MAP3K20: variants seen among roughly 807,000 people sequenced by gnomAD.
The protein encoded by MAP3K20 is mitogen-activated protein kinase kinase kinase 20.
A neutral mutation model predicts 85.7 loss-of-function variants in MAP3K20; 40 were observed. The observed-to-expected ratio is 0.47, with a 90% CI of 0.36 to 0.61. MAP3K20 has a LOEUF of 0.61. Ranked by LOEUF, MAP3K20 falls within the 20% of genes least tolerant of loss-of-function variation. MAP3K20 has a pLI of 0.00. For synonymous variants in MAP3K20, 325 were observed against 327.7 expected, an observed-to-expected ratio of 0.99 and a Z score of 0.09; for missense variants, 817 against 961.7, an observed-to-expected ratio of 0.85 and a Z score of 1.99.
chr2:173,258,675 C>T, intron 16 of MAP3K20, 24 bp from the exon 17 acceptor site: 1 of 1,416,360 alleles, frequency 7.1e-7, no homozygotes, highest in Non-Finnish European at 9.9e-7. Context: ...TTCTCAAATT[C>T]TGTAATTTTG....
chr2:173,200,317 T>G (rs1253927735), intron 8 of MAP3K20, among the ~76,000 whole-genome samples: 1 of 152,240 alleles, frequency 6.6e-6, no homozygotes, highest in Non-Finnish European at 1.5e-5. Flanking sequence ...AGCATAAAGA[T>G]AATTCACAAG....
At chr2:173,076,863 C>T (rs958106355) in intron 1 of MAP3K20, among the ~76,000 whole-genome samples, 2 of 152,334 alleles carry the variant, frequency 1.3e-5, no homozygotes, top group East Asian at 3.9e-4. Context: ...GCCTCGCTTG[C>T]CCATGACAGC....
intron 2 of MAP3K20, among the ~76,000 whole-genome samples, chr2:173,118,035 T>C (rs139245572): frequency 2.0e-5 from 3 of 152,218 alleles, no homozygotes; most frequent in Non-Finnish European, 4.4e-5. Context: ...CTTTATACAG[T>C]TGTAATTAGA....
intron 16 of MAP3K20, among the ~76,000 whole-genome samples, chr2:173,254,191 G>A (rs183968070): frequency 1.0e-3 from 158 of 152,022 alleles, no homozygotes; most frequent in Non-Finnish European, 1.8e-3. Flanking sequence ...TGAGGCAGGC[G>A]GATCATGAGG....
chr2:173,144,234 T>C (rs1012448033), intron 2 of MAP3K20, among the ~76,000 whole-genome samples: 8 of 151,388 alleles, frequency 5.3e-5, no homozygotes, highest in South Asian at 2.1e-4. Flanking sequence ...GAGGCCAAGG[T>C]GGGCAGATCA....
intron 2 of MAP3K20, among the ~76,000 whole-genome samples, chr2:173,149,734 C>T (rs549841440): frequency 5.3e-5 from 8 of 152,240 alleles, no homozygotes; most frequent in South Asian, 2.1e-4. Context: ...GTCATCTCCG[C>T]GCATCCTCCC....
chr2:173,175,916 G>A (rs1029348345), intron 3 of MAP3K20, among the ~76,000 whole-genome samples: 2 of 152,016 alleles, frequency 1.3e-5, no homozygotes, highest in Non-Finnish European at 2.9e-5. Context: ...AAAACCAAAT[G>A]GCACTGGTTA....
intron 1 of MAP3K20, 117 bp downstream of exon 1, chr2:173,076,119 C>T: frequency 3.8e-6 from 3 of 799,330 alleles, no homozygotes; most frequent in Non-Finnish European, 4.5e-6. Flanking sequence ...GGAGTCTAGG[C>T]GGCCTCGGGA....
At chr2:173,154,315 T>A (rs1344474991) in intron 2 of MAP3K20, among the ~76,000 whole-genome samples, 1 of 152,078 alleles carries the variant, frequency 6.6e-6, no homozygotes, top group African/African-American at 2.4e-5. Context: ...TCCCGAGTAG[T>A]TTGGACTATA....
chr2:173,090,292 G>A (rs956422356), intron 1 of MAP3K20, among the ~76,000 whole-genome samples: 3 of 152,132 alleles, frequency 2.0e-5, no homozygotes, highest in Non-Finnish European at 2.9e-5. Context: ...GGGGTAATAC[G>A]TTTCTTTGGA....
chr2:173,125,510 GT>G lies in MAP3K20; in HGVS notation c.159+34330del, dbSNP rs34139392. Among the ~76,000 whole-genome samples, 31 of 149,576 alleles carry G rather than the reference GT, an allele frequency of 2.1e-4. 1 individual carries two copies. The Middle Eastern group carries it at 0.011, about 51-fold the overall frequency. ...GGAAGTGAAGTTAAATGTTAGATGT[GT>G]TTTTTTTTTAAATAAAACTTTACTT... is the stretch of plus-strand genomic sequence containing the variant. On this transcript the variant is annotated intron_variant, in intron 2 of 19. Coordinates refer to ENST00000375213, the MANE Select transcript of MAP3K20 (RefSeq NM_016653.3).
chr2:173,090,491 A>C (rs941864382), intron 1 of MAP3K20: 9 of 375,528 alleles, frequency 2.4e-5, no homozygotes, highest in Non-Finnish European at 3.3e-5. Context: ...GTCAACGTTT[A>C]TTGTGTGTTC....
At chr2:173,097,462 T>G (rs537013206) in intron 2 of MAP3K20, among the ~76,000 whole-genome samples, 52 of 151,688 alleles carry the variant, frequency 3.4e-4, no homozygotes, top group Non-Finnish European at 6.3e-4. Context: ...GTACATAGTA[T>G]TTTTTTTTCT....
At chr2:173,088,271 T>TAATGTAG (rs1687196421) in intron 1 of MAP3K20, among the ~76,000 whole-genome samples, 1 of 152,206 alleles carries the variant, frequency 6.6e-6, no homozygotes, top group East Asian at 1.9e-4. Flanking sequence ...TACATGGCAC[T>TAATGTAG]GCTGGGAATA....
chr2:173,129,008 C>T (rs919919984), intron 2 of MAP3K20, among the ~76,000 whole-genome samples: 1 of 148,780 alleles, frequency 6.7e-6, no homozygotes, highest in African/African-American at 2.5e-5. Context: ...ACTGCAGCCT[C>T]TGCCTCCTGG....
intron 7 of MAP3K20, among the ~76,000 whole-genome samples, chr2:173,194,763 A>AT (rs397873590): frequency 7.6e-6 from 1 of 130,754 alleles, no homozygotes; most frequent in Non-Finnish European, 1.9e-5. Context: ...ATTAAAAAAA[A>AT]GGTTTTTTTT....
In MAP3K20 at chr2:173,212,798, A is replaced by C. The variant is rs1433224444; in HGVS notation, c.851+2963A>C. 5.9e-5 allele frequency: 3 copies of C among 50,798 alleles called. No individual in the cohort carries two copies. In the South Asian group the frequency reaches 2.6e-3, roughly 44 times the overall value. 3.1% of individuals were successfully genotyped at this position (50,798 alleles called of 1,614,324 possible). A position where few individuals can be genotyped will look rare whatever the true frequency, so the allele number is the denominator to read the frequency against. On this transcript the variant is annotated intron_variant, in intron 10 of 19. Transcript: ENST00000375213. ...TGGGCTACAGAGTGAGATCCTATTC[A>C]AAAAAAAAAAAAAAAAAAGAAAAGA...
chr2:173,184,977 C>G (rs549333098), intron 4 of MAP3K20, among the ~76,000 whole-genome samples: 1 of 151,824 alleles, frequency 6.6e-6, no homozygotes, highest in African/African-American at 2.4e-5. Flanking sequence ...CACGGTGGCT[C>G]ACGCCTATAA....
intron 2 of MAP3K20, among the ~76,000 whole-genome samples, chr2:173,134,893 G>C (rs1688756213): frequency 6.6e-6 from 1 of 151,798 alleles, no homozygotes; most frequent in South Asian, 2.1e-4. Context: ...GTGTGGATTC[G>C]GGCGTCAGAC....
Sources: gnomAD v4.1 joint callset for allele counts (sites outside exome capture counted in the v4.1 genomes callset) on GRCh38, gnomAD v4.1.1 for gene constraint, MANE v1.5 for transcripts, NCBI Gene and HGNC (gene_info 2026-07-23, HGNC 2026-07-21) for gene names.